DLG2: variants seen among roughly 807,000 people sequenced by gnomAD.
The protein encoded by DLG2 is discs large MAGUK scaffold protein 2, also known as disks large homolog 2.
In DLG2, 45 loss-of-function variants were observed where a neutral mutation model predicts 132.5. That is an observed-to-expected ratio of 0.34 (90% confidence interval 0.27 to 0.44). The LOEUF is 0.44. Ranked by LOEUF, DLG2 falls within the 20% of genes least tolerant of loss-of-function variation. The pLI is 1.00. For synonymous variants in DLG2, 424 were observed against 419.6 expected, an observed-to-expected ratio of 1.01 and a Z score of -0.13; for missense variants, 1,045 against 1,196.9, an observed-to-expected ratio of 0.87 and a Z score of 1.87.
chr11:83,969,723 G>A (rs1450047460), intron 12 of DLG2, among the ~76,000 whole-genome samples: 1 of 152,026 alleles, frequency 6.6e-6, no homozygotes, highest in Non-Finnish European at 1.5e-5. Flanking sequence ...ACAGGCATAT[G>A]CCACCACTGC....
At chr11:85,320,286 G>T (rs1405181917) in intron 3 of DLG2, among the ~76,000 whole-genome samples, 1 of 151,910 alleles carries the variant, frequency 6.6e-6, no homozygotes, top group Non-Finnish European at 1.5e-5. Flanking sequence ...AAATAACAAA[G>T]CTAAAGCTCA....
intron 15 of DLG2, among the ~76,000 whole-genome samples, chr11:83,874,980 T>C (rs2064392355): frequency 6.6e-6 from 1 of 152,158 alleles, no homozygotes; most frequent in Non-Finnish European, 1.5e-5. Flanking sequence ...AACATACATT[T>C]CTTTATGATG....
intron 18 of DLG2, among the ~76,000 whole-genome samples, chr11:83,685,644 A>T (rs1166727270): frequency 1.3e-5 from 2 of 152,038 alleles, no homozygotes; most frequent in Non-Finnish European, 2.9e-5. Context: ...AAGGCTAGCC[A>T]TCCGGTATCA....
rs184497866 is a variant in DLG2 at position 83,748,922 on chromosome 11, C to T, written c.1825+37768G>A. On this transcript the variant is annotated intron_variant, in intron 18 of 27. Coordinates refer to ENST00000376104, the MANE Select transcript of DLG2 (RefSeq NM_001142699.3). ...GAAATAAATGAAAGATAATATTTTCCGTACTCTTTTAAAAGATCAATTTAT... is the reference window on the plus strand; with the variant it reads ...GAAATAAATGAAAGATAATATTTTCTGTACTCTTTTAAAAGATCAATTTAT... Among the ~76,000 whole-genome samples the T allele has an allele frequency of 4.1e-4, 63 of 152,190 alleles. 1 individual carries two copies. The highest frequency in any genetic ancestry group is 5.6e-4 in the Non-Finnish European group (38 of 68,016).
At chr11:84,836,484 T>C (rs933200221) in intron 6 of DLG2, among the ~76,000 whole-genome samples, 1 of 151,810 alleles carries the variant, frequency 6.6e-6, no homozygotes, top group East Asian at 1.9e-4. Flanking sequence ...AACCAGGATT[T>C]AAAATGTCCC....
intron 3 of DLG2, among the ~76,000 whole-genome samples, chr11:85,347,635 A>G (rs2082941591): frequency 6.6e-6 from 1 of 151,930 alleles, no homozygotes. Flanking sequence ...GAACTCCCCC[A>G]TGATGTTAAT....
At chr11:85,428,843 G>C (rs933956292) in intron 3 of DLG2, among the ~76,000 whole-genome samples, 3 of 151,960 alleles carry the variant, frequency 2.0e-5, no homozygotes, top group African/African-American at 7.3e-5. Context: ...CCAGGAGCTG[G>C]TTTTTTGAAA....
At position 85,056,187 on chromosome 11, in the gene DLG2, C is replaced by T. The variant is rs181346758; in HGVS notation, c.357+55474G>A. On this transcript the variant is annotated intron_variant, in intron 6 of 27. Coordinates refer to ENST00000376104, the MANE Select transcript of DLG2 (RefSeq NM_001142699.3). ...AAAAGATCTTTGAAATAACCATAAT[C>T]GACATGGTTCAGAAAATAAATGGCA... 2.2e-4 allele frequency among the ~76,000 whole-genome samples: 34 copies of T among 152,088 alleles called. No individual in the cohort carries two copies. The East Asian group carries it at 4.1e-3, about 18-fold the overall frequency.
chr11:84,741,739 C>A (rs58072592), intron 6 of DLG2, among the ~76,000 whole-genome samples: 8,658 of 151,980 alleles, frequency 0.057, 673 homozygotes, highest in African/African-American at 0.18. Flanking sequence ...TAATGCAGGG[C>A]CACATCAAAC....
intron 10 of DLG2, among the ~76,000 whole-genome samples, chr11:84,089,865 G>A (rs936140342): frequency 2.0e-5 from 3 of 152,100 alleles, no homozygotes; most frequent in Admixed American, 2.0e-4. Context: ...TTTGTGCTGT[G>A]GATGCCTTTA....
chr11:84,996,920 C>T (rs941039500), intron 6 of DLG2, among the ~76,000 whole-genome samples: 1 of 152,124 alleles, frequency 6.6e-6, no homozygotes, highest in African/African-American at 2.4e-5. Flanking sequence ...CAGCCTTATT[C>T]ATTAAAGTTA....
intron 15 of DLG2, among the ~76,000 whole-genome samples, chr11:83,900,460 G>A (rs1321439454): frequency 6.6e-6 from 1 of 152,144 alleles, no homozygotes; most frequent in Non-Finnish European, 1.5e-5. Flanking sequence ...TGGTCCCAGG[G>A]TACCTCTGGT....
intron 4 of DLG2, among the ~76,000 whole-genome samples, chr11:85,178,215 G>T (rs552621581): frequency 6.4e-4 from 98 of 152,016 alleles, no homozygotes; most frequent in African/African-American, 2.1e-3. Context: ...TTATACAAAA[G>T]AATATACTTG....
Position 84,494,624 on chromosome 11 carries a change from G to A in DLG2, c.519+39946C>T, listed in dbSNP as rs76384282. On this transcript the variant is annotated intron_variant, in intron 7 of 27. Transcript: ENST00000376104. Reference sequence around the variant, plus strand: ...GGTCCGGAAGTAGTAATGACTGATAGATAAACATGGTTTCAGGAAAGAGGA... The same window carrying A: ...GGTCCGGAAGTAGTAATGACTGATAAATAAACATGGTTTCAGGAAAGAGGA... Among the ~76,000 whole-genome samples the A allele has an allele frequency of 0.011, 1,652 of 152,226 alleles. 96 individuals carry two copies. The East Asian group carries it at 0.17, about 15-fold the overall frequency.
chr11:85,440,941 G>T (rs1247027235), intron 3 of DLG2, among the ~76,000 whole-genome samples: 1 of 152,146 alleles, frequency 6.6e-6, no homozygotes, highest in Non-Finnish European at 1.5e-5. Flanking sequence ...AAGCATGGTG[G>T]TACCTTGTCA....
At chr11:83,839,720 G>T (rs2057123102) in intron 16 of DLG2, among the ~76,000 whole-genome samples, 1 of 152,096 alleles carries the variant, frequency 6.6e-6, no homozygotes, top group South Asian at 2.1e-4. Context: ...TTTAAAAAAG[G>T]GATTACGATA....
At chr11:85,436,443 G>A (rs754957126) in intron 3 of DLG2, among the ~76,000 whole-genome samples, 44 of 150,808 alleles carry the variant, frequency 2.9e-4, no homozygotes, top group South Asian at 2.2e-4. Flanking sequence ...AATGTACAAG[G>A]AACTTAAACA....
chr11:84,496,656 C>T (rs527689813), intron 7 of DLG2, among the ~76,000 whole-genome samples: 10 of 152,126 alleles, frequency 6.6e-5, no homozygotes, highest in African/African-American at 2.2e-4. Flanking sequence ...GTCCAAAGCC[C>T]ATCCAGGGGA....
At chr11:83,760,835 C>A (rs2093874292) in intron 18 of DLG2, among the ~76,000 whole-genome samples, 1 of 152,188 alleles carries the variant, frequency 6.6e-6, no homozygotes. Flanking sequence ...CTTACTAACT[C>A]CTCCTTGTTT....
Sources: gnomAD v4.1 joint callset for allele counts (sites outside exome capture counted in the v4.1 genomes callset) on GRCh38, gnomAD v4.1.1 for gene constraint, MANE v1.5 for transcripts, NCBI Gene and HGNC (gene_info 2026-07-23, HGNC 2026-07-21) for gene names.